Variants in FBXW8 observed in about 807,000 individuals in gnomAD.
FBXW8 encodes F-box/WD repeat-containing protein 8.
A neutral mutation model predicts 65.3 loss-of-function variants in FBXW8; 57 were observed. The ratio of observed to expected loss-of-function variants is 0.87; its 90% CI spans 0.71 to 1.09. The LOEUF (loss-of-function observed/expected upper bound fraction) is 1.09. FBXW8 is among the 50% of genes least tolerant of loss of function. The pLI is 0.00. For missense variants in FBXW8, 777 were observed against 814.8 expected, an observed-to-expected ratio of 0.95 and a Z score of 0.57; for synonymous variants, 308 against 330.2, an observed-to-expected ratio of 0.93 and a Z score of 0.73.
intron 7 of FBXW8, among the ~76,000 whole-genome samples, chr12:117,006,316 A>G (rs574800496): frequency 1.1e-4 from 16 of 152,356 alleles, no homozygotes; most frequent in African/African-American, 3.6e-4. Flanking sequence ...ATTAATTATG[A>G]GGGTGATAGC....
intron 7 of FBXW8, among the ~76,000 whole-genome samples, chr12:117,000,771 C>G (rs139000065): frequency 6.6e-6 from 1 of 152,216 alleles, no homozygotes; most frequent in Non-Finnish European, 1.5e-5. Flanking sequence ...TATCTTACAG[C>G]ACTGTGGAGG....
chr12:116,976,405 A>G (rs1477778005), intron 5 of FBXW8, among the ~76,000 whole-genome samples: 3 of 144,916 alleles, frequency 2.1e-5, no homozygotes, highest in Non-Finnish European at 3.0e-5. Context: ...AAAAAAATGC[A>G]TGATGATGAG....
At chr12:116,934,398 A>G (rs552715416) in intron 2 of FBXW8, among the ~76,000 whole-genome samples, 1 of 152,292 alleles carries the variant, frequency 6.6e-6, no homozygotes, top group East Asian at 1.9e-4. Flanking sequence ...CAGTTCATTG[A>G]ACAGGTTTGT....
At chr12:117,024,631 G>T (rs190372350) in intron 9 of FBXW8, among the ~76,000 whole-genome samples, 1 of 152,192 alleles carries the variant, frequency 6.6e-6, no homozygotes, top group African/African-American at 2.4e-5. Flanking sequence ...GTGCTATTCT[G>T]ATTATTTTAG....
intron 2 of FBXW8, 146 bp from the exon 3 acceptor site, chr12:116,945,218 T>G (rs563934153): frequency 3.1e-6 from 2 of 637,068 alleles, no homozygotes; most frequent in East Asian, 5.8e-5. Flanking sequence ...CTTGTATTTT[T>G]TTTTCCACCT....
At position 117,024,190 on chromosome 12, in the gene FBXW8, C is replaced by G; in HGVS notation, c.1411C>G (p.Leu471Val). The G allele has an allele frequency of 1.9e-6, 3 of 1,614,192 alleles. No homozygotes were observed. The highest frequency in any genetic ancestry group is 2.5e-6 in the Non-Finnish European group (3 of 1,180,034). ...DLRSGNIALS[L>V]SAHQLRVSAV... ...CCGCAGTGGTAACATCGCCCTGTCGCTCTCCGCCCATCAGCTCAGGGTCTC... is the reference window on the plus strand; with the variant it reads ...CCGCAGTGGTAACATCGCCCTGTCGGTCTCCGCCCATCAGCTCAGGGTCTC... The change falls in exon 9 of 11, where the codon CTC (leucine) becomes GTC (valine). Residue 471 changes from leucine (L) to valine (V), a missense_variant. By Grantham distance (32) the Leu-to-Val change is conservative. Transcript: ENST00000652555.
At chr12:117,008,211 T>C in intron 7 of FBXW8, among the ~76,000 whole-genome samples, 1 of 152,208 alleles carries the variant, frequency 6.6e-6, no homozygotes, top group Non-Finnish European at 1.5e-5. Context: ...CTTAAAGGCC[T>C]TACCTTCCTG....
At chr12:116,927,642 C>T (rs970725089) in intron 1 of FBXW8, among the ~76,000 whole-genome samples, 1 of 152,186 alleles carries the variant, frequency 6.6e-6, no homozygotes, top group Admixed American at 6.5e-5. Context: ...GCCTCACTTT[C>T]TTGGCCGCCT....
intron 8 of FBXW8, among the ~76,000 whole-genome samples, chr12:117,014,250 A>G (rs926929697): frequency 6.6e-6 from 1 of 151,528 alleles, no homozygotes; most frequent in Admixed American, 6.6e-5. Context: ...TTCAGATTTC[A>G]TATTTTCTTG....
rs774369103 is a variant in FBXW8 at position 116,927,997 on chromosome 12, CTTCT to C, written c.319-19_319-16del. 7.0e-5 allele frequency: 99 copies of C among 1,420,488 alleles called. 1 individual carries two copies. The East Asian group carries it at 1.2e-3, about 17-fold the overall frequency. The allele number at this position is 1,420,488 out of a possible 1,614,324, so 88.0% of individuals were successfully genotyped here. ...TATTTTCATATCTAAAAATTATAAACTTCTTTCTTTTTTTTTTCCCCTCAGAATG... is the reference window on the plus strand; with the variant it reads ...TATTTTCATATCTAAAAATTATAAACTTCTTTTTTTTTTCCCCTCAGAATG... On this transcript the variant is annotated intron_variant, in intron 1 of 10. Coordinates refer to ENST00000652555, the MANE Select transcript of FBXW8 (RefSeq NM_153348.3).
At chr12:116,939,200 A>G (rs1212589512) in intron 2 of FBXW8, among the ~76,000 whole-genome samples, 1 of 152,210 alleles carries the variant, frequency 6.6e-6, no homozygotes, top group Non-Finnish European at 1.5e-5. Context: ...AAAATCCCAA[A>G]TCCCAAATGC....
At chr12:116,996,940 A>T (rs952520568) in intron 7 of FBXW8, among the ~76,000 whole-genome samples, 1 of 152,188 alleles carries the variant, frequency 6.6e-6, no homozygotes, top group African/African-American at 2.4e-5. Context: ...GCGTGTTGAG[A>T]TGGAAACGAG....
chr12:117,013,174 G>A (rs189637067), intron 8 of FBXW8, among the ~76,000 whole-genome samples: 24 of 152,184 alleles, frequency 1.6e-4, no homozygotes, highest in Middle Eastern at 6.8e-3. Flanking sequence ...CCCAGGAGGC[G>A]GAGGTTGCAG....
intron 4 of FBXW8, among the ~76,000 whole-genome samples, chr12:116,959,017 C>T (rs7958030): frequency 0.72 from 109,214 of 151,758 alleles, 42,176 homozygotes; most frequent in Non-Finnish European, 0.85. Context: ...CTGATCAGAA[C>T]AGAACTGTGA....
At chr12:116,982,976 C>T (rs538463157) in intron 5 of FBXW8, among the ~76,000 whole-genome samples, 1 of 152,224 alleles carries the variant, frequency 6.6e-6, no homozygotes, top group South Asian at 2.1e-4. Flanking sequence ...CATGACATAA[C>T]AAGTGGCTTT....
intron 2 of FBXW8, among the ~76,000 whole-genome samples, chr12:116,940,950 G>A (rs1293411027): frequency 6.6e-6 from 1 of 152,162 alleles, no homozygotes; most frequent in Non-Finnish European, 1.5e-5. Context: ...GAAAAATAGT[G>A]GAAGGAAATG....
rs558699793 is a variant in FBXW8, at chr12:117,026,131, G to C, written c.1542-1263G>C. On this transcript the variant is annotated intron_variant, in intron 9 of 10. Coordinates refer to ENST00000652555, the MANE Select transcript of FBXW8 (RefSeq NM_153348.3). Reference sequence around the variant, plus strand: ...TGGTCACTGTCATGTACCTCCCGCTGTCCGCTTCAGTCTCTTCAGCCCAGG... The same window carrying C: ...TGGTCACTGTCATGTACCTCCCGCTCTCCGCTTCAGTCTCTTCAGCCCAGG... Among the ~76,000 whole-genome samples the C allele has an allele frequency of 1.1e-4, 16 of 152,354 alleles. No homozygotes were observed. The South Asian group carries it at 3.3e-3, about 32-fold the overall frequency.
chr12:116,980,363 T>G (rs1314132822), intron 5 of FBXW8: 3 of 152,232 alleles, frequency 2.0e-5, no homozygotes, highest in African/African-American at 7.2e-5. Flanking sequence ...CAGTTTCCTT[T>G]TTATGTTTAA....
chr12:116,971,543 A>G (rs1013828306), intron 5 of FBXW8, among the ~76,000 whole-genome samples: 5 of 152,096 alleles, frequency 3.3e-5, no homozygotes, highest in Admixed American at 3.3e-4. Context: ...ACGCTCTTTA[A>G]AAGTTTTTTC....
Sources: allele counts gnomAD v4.1 joint callset (sites outside exome capture counted in the v4.1 genomes callset), GRCh38; gene constraint gnomAD v4.1.1; transcripts MANE v1.5; gene names NCBI Gene and HGNC (gene_info 2026-07-23, HGNC 2026-07-21).